Variants in DTNA observed in about 807,000 individuals in gnomAD.
The protein encoded by DTNA is dystrophin-related protein 3.
In DTNA, 43 loss-of-function variants were observed where a neutral mutation model predicts 100.7. That is an observed-to-expected ratio of 0.43 (90% CI 0.33 to 0.55). DTNA has a LOEUF of 0.55. DTNA is among the 20% of genes least tolerant of loss of function. The pLI, the probability that DTNA is intolerant of heterozygous loss-of-function variation, is 0.04. For missense variants in DTNA, 798 were observed against 953.9 expected, an observed-to-expected ratio of 0.84 and a Z score of 2.15; for synonymous variants, 349 against 347.9, an observed-to-expected ratio of 1.00 and a Z score of -0.04.
intron 5 of DTNA, among the ~76,000 whole-genome samples, chr18:34,807,868 C>CAA (rs1347854044): frequency 2.0e-4 from 16 of 81,090 alleles, no homozygotes; most frequent in African/African-American, 2.4e-4. Context: ...TTTTTTTTTT[C>CAA]AAAAAAAAAG....
At chr18:34,624,445 A>T (rs978007825) in intron 1 of DTNA, among the ~76,000 whole-genome samples, 1 of 151,974 alleles carries the variant, frequency 6.6e-6, no homozygotes, top group Non-Finnish European at 1.5e-5. Flanking sequence ...AGCACAACTC[A>T]CTAACTTACA....
chr18:34,829,031 A>T (rs1227573578), intron 10 of DTNA: 1 of 1,614,126 alleles, frequency 6.2e-7, no homozygotes, highest in East Asian at 2.2e-5. Context: ...GTCATTTTAT[A>T]TCATTTCAGC....
chr18:34,510,047 T>G (rs1271967524), intron 1 of DTNA, among the ~76,000 whole-genome samples: 2 of 146,776 alleles, frequency 1.4e-5, no homozygotes, highest in Non-Finnish European at 3.0e-5. Flanking sequence ...AGTCCTGTGG[T>G]TTCATGTGAG....
At chr18:34,704,480 G>A (rs1163960648) in intron 1 of DTNA, among the ~76,000 whole-genome samples, 1 of 152,186 alleles carries the variant, frequency 6.6e-6, no homozygotes, top group Non-Finnish European at 1.5e-5. Flanking sequence ...AAACTCAGGG[G>A]ACACTGACTG....
intron 17 of DTNA, 93 bp downstream of exon 17, chr18:34,864,155 G>C (rs921318361): frequency 1.8e-6 from 2 of 1,104,138 alleles, no homozygotes; most frequent in East Asian, 5.2e-5. Context: ...TCCAATTGCT[G>C]TATGTGATTT....
intron 6 of DTNA, among the ~76,000 whole-genome samples, chr18:34,814,238 C>T (rs1383690830): frequency 6.6e-6 from 1 of 152,106 alleles, no homozygotes; most frequent in Non-Finnish European, 1.5e-5. Flanking sequence ...TATTACTTCA[C>T]CCAGTCATGG....
intron 17 of DTNA, among the ~76,000 whole-genome samples, chr18:34,865,250 TTC>T (rs1306001979): frequency 6.6e-6 from 1 of 151,588 alleles, no homozygotes; most frequent in African/African-American, 2.4e-5. Context: ...TGTCCTTTCT[TTC>T]TCTCTTTTTT....
chr18:34,705,578 C>T (rs2082013541), upstream of DTNA, among the ~76,000 whole-genome samples: 1 of 152,082 alleles, frequency 6.6e-6, no homozygotes, highest in African/African-American at 2.4e-5. Flanking sequence ...CCTCAGATTC[C>T]TCATAAATAA....
chr18:34,818,823 G>A (rs1211092547), intron 8 of DTNA, among the ~76,000 whole-genome samples: 1 of 152,138 alleles, frequency 6.6e-6, no homozygotes, highest in Non-Finnish European at 1.5e-5. Flanking sequence ...TTTCTGCAGA[G>A]GGTGGGGAGG....
intron 1 of DTNA, among the ~76,000 whole-genome samples, chr18:34,565,654 A>T: frequency 6.6e-6 from 1 of 152,098 alleles, no homozygotes; most frequent in East Asian, 1.9e-4. Flanking sequence ...CTTCCTCTAC[A>T]TGACTTTCTT....
intron 1 of DTNA, among the ~76,000 whole-genome samples, chr18:34,602,606 G>A (rs573442050): frequency 2.6e-5 from 4 of 152,058 alleles, no homozygotes; most frequent in Admixed American, 1.3e-4. Context: ...TGAGTGGTGC[G>A]GTGGCTCATG....
intron 14 of DTNA, among the ~76,000 whole-genome samples, chr18:34,848,661 C>T (rs117042205): frequency 6.6e-6 from 1 of 151,902 alleles, no homozygotes; most frequent in Non-Finnish European, 1.5e-5. Flanking sequence ...CATATGAAGT[C>T]CCAAGGAAGG....
chr18:34,795,253 AT>A lies in DTNA; in HGVS notation c.362+1007del, dbSNP rs550645603. Among the ~76,000 whole-genome samples the A allele has an allele frequency of 2.8e-4, 43 of 152,284 alleles. 1 individual carries two copies. The East Asian group carries it at 5.2e-3, about 18-fold the overall frequency. On this transcript the variant is annotated intron_variant, in intron 4 of 22. Transcript: ENST00000444659. Reference sequence around the variant, plus strand: ...GAGATGTTCCAGCCAGGCTAATGTTATTTTGCAATTCACAAAAGCTACCAGC... The same window carrying A: ...GAGATGTTCCAGCCAGGCTAATGTTATTTGCAATTCACAAAAGCTACCAGC...
Position 34,551,174 on chromosome 18 carries a change from G to A in DTNA, c.-2+57660G>A, listed in dbSNP as rs558993365. On this transcript the variant is annotated intron_variant, in intron 1 of 19. Transcript: ENST00000283365. ...TCAACCATAAAGAGAAAAGAGTTTT[G>A]TTTTAGCTCGCCTATCTTATTCCAC... Among the ~76,000 whole-genome samples the A allele has an allele frequency of 1.4e-4, 21 of 152,224 alleles. No individual in the cohort carries two copies. The South Asian group carries it at 4.1e-3, about 30-fold the overall frequency.
intron 1 of DTNA, among the ~76,000 whole-genome samples, chr18:34,527,132 A>T (rs73424189): frequency 0.018 from 2,771 of 151,794 alleles, 89 homozygotes; most frequent in African/African-American, 0.064. Flanking sequence ...CCTTTACCTC[A>T]TGTGCAAACA....
intron 1 of DTNA, among the ~76,000 whole-genome samples, chr18:34,654,548 A>G (rs2144127446): frequency 6.6e-6 from 1 of 152,310 alleles, no homozygotes; most frequent in South Asian, 2.1e-4. Context: ...TTTAATACTA[A>G]CTGCAACAAA....
At chr18:34,649,066 G>T (rs2060159542) in intron 1 of DTNA, among the ~76,000 whole-genome samples, 1 of 152,150 alleles carries the variant, frequency 6.6e-6, no homozygotes, top group Admixed American at 6.5e-5. Flanking sequence ...TGATTCAGGT[G>T]TTTATTAGAA....
At chr18:34,585,099 G>A (rs1479166667) in intron 1 of DTNA, among the ~76,000 whole-genome samples, 1 of 152,040 alleles carries the variant, frequency 6.6e-6, no homozygotes, top group Non-Finnish European at 1.5e-5. Context: ...TTCTCAGGAA[G>A]CTACTGCATG....
chr18:34,794,735 A>T (rs1471064670), intron 4 of DTNA, among the ~76,000 whole-genome samples: 2 of 152,196 alleles, frequency 1.3e-5, no homozygotes, highest in Non-Finnish European at 2.9e-5. Context: ...TGGACTGGTC[A>T]ATTTAAGTGT....
Sources: gnomAD v4.1 joint callset for allele counts (sites outside exome capture counted in the v4.1 genomes callset) on GRCh38, gnomAD v4.1.1 for gene constraint, MANE v1.5 for transcripts, NCBI Gene and HGNC (gene_info 2026-07-23, HGNC 2026-07-21) for gene names.